CFAP61: variants seen among roughly 807,000 people sequenced by gnomAD.
The protein encoded by CFAP61 is cilia- and flagella-associated protein 61.
A neutral mutation model predicts 135.6 loss-of-function variants in CFAP61; 107 were observed. That is an observed-to-expected ratio of 0.79 (90% confidence interval 0.67 to 0.93). The LOEUF is 0.93. CFAP61 is among the 40% of genes least tolerant of loss of function. CFAP61 has a pLI of 0.00. For missense variants in CFAP61, 1,507 were observed against 1,556.2 expected (o/e 0.97, Z 0.53); for synonymous variants, 575 against 578.5 (o/e 0.99, Z 0.09).
intron 8 of CFAP61, among the ~76,000 whole-genome samples, chr20:20,126,833 T>C (rs901032732): frequency 2.6e-5 from 4 of 151,926 alleles, no homozygotes; most frequent in African/African-American, 9.7e-5. Flanking sequence ...AGATTTCTCT[T>C]CTTCCTCAGG....
chr20:20,187,489 G>T (rs749221084), intron 13 of CFAP61, among the ~76,000 whole-genome samples: 16 of 152,092 alleles, frequency 1.1e-4, no homozygotes, highest in Non-Finnish European at 2.1e-4. Context: ...TTGAACGGTG[G>T]CCTCAGAGCA....
intron 26 of CFAP61, among the ~76,000 whole-genome samples, chr20:20,343,089 T>C (rs1408214121): frequency 6.6e-6 from 1 of 152,238 alleles, no homozygotes; most frequent in African/African-American, 2.4e-5. Flanking sequence ...ACTCCTGACC[T>C]CAGGTGATCC....
chr20:20,329,920 G>T (rs776670302), intron 25 of CFAP61, among the ~76,000 whole-genome samples: 2 of 152,212 alleles, frequency 1.3e-5, no homozygotes, highest in Non-Finnish European at 2.9e-5. Flanking sequence ...CCACAGTATT[G>T]TACCGTATTG....
chr20:20,277,328 C>T lies in CFAP61; in HGVS notation c.2666C>T (p.Ala889Val). The T allele has an allele frequency of 1.2e-6, 2 of 1,614,168 alleles. No individual in the cohort carries two copies. Among genetic ancestry groups the T allele is most frequent in the East Asian group, 2.2e-5 (1 of 44,874 alleles). Residue 889 changes from alanine to valine, a missense_variant, in exon 22 of 27, where the codon GCG becomes GTG. Coordinates refer to ENST00000245957, the MANE Select transcript of CFAP61 (RefSeq NM_015585.4). ...TCGGTGGAGAGCGCCGTGGCGGACGCGCTAGGAGCCGCCGGAGTCACTATG... is the reference window on the plus strand; with the variant it reads ...TCGGTGGAGAGCGCCGTGGCGGACGTGCTAGGAGCCGCCGGAGTCACTATG... The part of the protein sequence containing the change: ...NYSVESAVAD[A>V]LGAAGVTMYR...
At chr20:20,286,374 A>G (rs1675604741) in intron 22 of CFAP61, among the ~76,000 whole-genome samples, 1 of 152,308 alleles carries the variant, frequency 6.6e-6, no homozygotes, top group Middle Eastern at 3.4e-3. Context: ...CATCTTTCCA[A>G]TTAGATCATG....
Position 20,289,038 on chromosome 20 carries a change from T to C in CFAP61, c.3124+102T>C, listed in dbSNP as rs1000500915. ...TTTCTCTTAGGCTTGGGGAAAAGGC[T>C]CCTCCGTACCTCAATGGGTTGCCAC... On this transcript the variant is annotated intron_variant, in intron 23 of 26. Coordinates refer to ENST00000245957, the MANE Select transcript of CFAP61 (RefSeq NM_015585.4). 27 of 824,162 alleles carry C rather than the reference T, an allele frequency of 3.3e-5. No individual in the cohort carries two copies. The Admixed American group carries it at 6.3e-4, about 19-fold the overall frequency. 51.1% of individuals were successfully genotyped at this position (824,162 alleles called of 1,614,324 possible).
At position 20,052,546 on chromosome 20, in the gene CFAP61, C is replaced by A; in HGVS notation, c.-82C>A. 6.2e-7 allele frequency: 1 copy of A among 1,614,180 alleles called. No individual in the cohort carries two copies. On this transcript the variant is annotated 5_prime_UTR_variant, in exon 1 of 27. Transcript: ENST00000245957. ...CCATGGTGACCAGGCTGCGCGTCCT[C>A]CTTGCGGCAGCGCGTGGAGTGCGGC...
chr20:20,245,877 A>T (rs2050414245), intron 18 of CFAP61, among the ~76,000 whole-genome samples: 1 of 152,208 alleles, frequency 6.6e-6, no homozygotes, highest in Non-Finnish European at 1.5e-5. Flanking sequence ...ACATTTTAAA[A>T]ACCTGTCTCA....
At chr20:20,337,837 G>A (rs1342860487) in intron 25 of CFAP61, among the ~76,000 whole-genome samples, 2 of 152,158 alleles carry the variant, frequency 1.3e-5, no homozygotes, top group Non-Finnish European at 1.5e-5. Flanking sequence ...GATGCCTGCT[G>A]TGACCAATGG....
chr20:20,255,076 G>T, intron 20 of CFAP61, among the ~76,000 whole-genome samples: 1 of 152,136 alleles, frequency 6.6e-6, no homozygotes, highest in East Asian at 1.9e-4. Flanking sequence ...GTCCTTCCTT[G>T]CTCTGTCAAC....
intron 20 of CFAP61, chr20:20,253,339 C>T (rs1909731175): frequency 1.1e-5 from 2 of 181,566 alleles, no homozygotes; most frequent in Non-Finnish European, 2.3e-5. Flanking sequence ...TCTTCAGTTT[C>T]TTCTGGGCTA....
intron 12 of CFAP61, among the ~76,000 whole-genome samples, chr20:20,168,921 G>A (rs2054023390): frequency 6.6e-6 from 1 of 152,180 alleles, no homozygotes; most frequent in Non-Finnish European, 1.5e-5. Flanking sequence ...CTCGCAAGAG[G>A]AAGGGACCAC....
intron 8 of CFAP61, among the ~76,000 whole-genome samples, chr20:20,132,725 A>G (rs187469656): frequency 6.6e-6 from 1 of 151,934 alleles, no homozygotes. Context: ...ATCTTCCTTG[A>G]AATTTTGATC....
chr20:20,152,672 C>G (rs1182434280), intron 9 of CFAP61, among the ~76,000 whole-genome samples: 2 of 151,656 alleles, frequency 1.3e-5, no homozygotes, highest in East Asian at 3.9e-4. Context: ...GGAAAATACC[C>G]CAATCCTAAA....
intron 17 of CFAP61, among the ~76,000 whole-genome samples, chr20:20,219,347 T>C (rs2048248727): frequency 6.6e-6 from 1 of 152,246 alleles, no homozygotes; most frequent in African/African-American, 2.4e-5. Context: ...TTTCCAGAGT[T>C]GCTTTTCTAG....
At position 20,360,495 on chromosome 20, in the gene CFAP61, C is replaced by A; in HGVS notation, c.*85C>A. 7.9e-7 allele frequency: 1 copy of A among 1,273,274 alleles called. No individual in the cohort carries two copies. The highest frequency in any genetic ancestry group is 1.1e-6 in the Non-Finnish European group (1 of 897,796). 78.9% of individuals were successfully genotyped at this position (1,273,274 alleles called of 1,614,324 possible). On this transcript the variant is annotated 3_prime_UTR_variant, in exon 27 of 27. Coordinates refer to ENST00000245957, the MANE Select transcript of CFAP61 (RefSeq NM_015585.4). The stretch of plus-strand genomic sequence containing the variant: ...GTAGAAATAGAAAAGTTCTCTGCAG[C>A]CTGGTTTGACAGCGAAGCCAGCCCC...
chr20:20,338,128 G>A (rs1479506562), intron 25 of CFAP61, among the ~76,000 whole-genome samples: 1 of 152,196 alleles, frequency 6.6e-6, no homozygotes, highest in African/African-American at 2.4e-5. Flanking sequence ...CTGCTTCATA[G>A]AGAGGAAAGC....
chr20:20,186,049 C>T (rs113132570), intron 13 of CFAP61, among the ~76,000 whole-genome samples: 15 of 152,104 alleles, frequency 9.9e-5, no homozygotes, highest in Non-Finnish European at 1.9e-4. Context: ...TACAATTTGT[C>T]CACTTCAAGT....
At chr20:20,116,833 G>A (rs2049181399) in intron 8 of CFAP61, among the ~76,000 whole-genome samples, 1 of 151,702 alleles carries the variant, frequency 6.6e-6, no homozygotes, top group African/African-American at 2.4e-5. Context: ...GTTTCCACAT[G>A]TGAGTGAGAA....
Sources: gnomAD v4.1 joint callset for allele counts (sites outside exome capture counted in the v4.1 genomes callset) on GRCh38, gnomAD v4.1.1 for gene constraint, MANE v1.5 for transcripts, NCBI Gene and HGNC (gene_info 2026-07-23, HGNC 2026-07-21) for gene names.